MARK3: variants seen among roughly 807,000 people sequenced by gnomAD.
The protein encoded by MARK3 is microtubule affinity regulating kinase 3.
A neutral mutation model predicts 90.1 loss-of-function variants in MARK3; 46 were observed. The ratio of observed to expected loss-of-function variants is 0.51; its 90% confidence interval spans 0.40 to 0.65. MARK3 has a LOEUF of 0.65. Ranked by LOEUF, MARK3 falls within the 30% of genes least tolerant of loss-of-function variation. The probability of loss-of-function intolerance (pLI) is 0.00; values close to 1 mark genes in which losing one functional copy is unlikely to be tolerated. For synonymous variants in MARK3, 321 were observed against 332.6 expected (o/e 0.97, Z 0.38); for missense variants, 818 against 947.2 (o/e 0.86, Z 1.79).
chr14:103,463,661 C>T (rs553177975), intron 7 of MARK3, among the ~76,000 whole-genome samples: 1 of 152,202 alleles, frequency 6.6e-6, no homozygotes, highest in East Asian at 1.9e-4. Flanking sequence ...ACCATTATCT[C>T]ATAGGTGATT....
At chr14:103,485,724 T>A (rs2093916874) in intron 14 of MARK3, among the ~76,000 whole-genome samples, 1 of 152,138 alleles carries the variant, frequency 6.6e-6, no homozygotes, top group Admixed American at 6.5e-5. Flanking sequence ...TTAAGTGGAT[T>A]AATGTTTTAG....
chr14:103,405,533 G>T (rs1004903405), intron 2 of MARK3, among the ~76,000 whole-genome samples: 2 of 151,992 alleles, frequency 1.3e-5, no homozygotes, highest in Non-Finnish European at 2.9e-5. Flanking sequence ...TGTAGAGACA[G>T]GGTTTCACCG....
chr14:103,468,157 G>C lies in MARK3; in HGVS notation c.1235G>C (p.Ser412Thr). The change falls in exon 12 of 18, where the codon AGC (serine) becomes ACC (threonine). Residue 412 changes from serine (S) to threonine (T), a missense_variant. Around this residue, in one of 3 missense-constraint regions of MARK3, gnomAD observed 560 missense variants for 613.5 expected, o/e 0.91. Transcript: ENST00000429436. ...AAAGTGCAGAGAAGTGTTTCTTCAA[G>C]CCAAAAGCAAAGACGCTACAGTGAC... ...HHKVQRSVSS[S>T]QKQRRYSDHA... The C allele has an allele frequency of 6.2e-7, 1 of 1,613,840 alleles. No homozygotes were observed. The highest frequency in any genetic ancestry group is 8.5e-7 in the Non-Finnish European group (1 of 1,179,936).
chr14:103,456,657 T>C (rs1031682034), intron 5 of MARK3, among the ~76,000 whole-genome samples: 2 of 152,232 alleles, frequency 1.3e-5, no homozygotes, highest in African/African-American at 2.4e-5. Context: ...ATGTAAACTC[T>C]ATGAGGAAAA....
At chr14:103,431,392 A>G (rs1426619040) in intron 3 of MARK3, among the ~76,000 whole-genome samples, 4 of 151,980 alleles carry the variant, frequency 2.6e-5, no homozygotes, top group Non-Finnish European at 1.5e-5. Context: ...CACCATGCCC[A>G]GGCCAAGGTG....
chr14:103,432,619 G>A (rs1309273985), intron 3 of MARK3, among the ~76,000 whole-genome samples: 1 of 152,146 alleles, frequency 6.6e-6, no homozygotes, highest in Non-Finnish European at 1.5e-5. Flanking sequence ...GGGAGCCTGA[G>A]GCGAGAGGAT....
intron 14 of MARK3, among the ~76,000 whole-genome samples, chr14:103,482,671 A>G (rs938485171): frequency 6.6e-6 from 1 of 152,130 alleles, no homozygotes; most frequent in African/African-American, 2.4e-5. Context: ...CTCTGCTTCC[A>G]TCCTGTGCTA....
rs566128710 is a variant in MARK3, at chr14:103,458,915, A to G, written c.483+1703A>G. On this transcript the variant is annotated intron_variant, in intron 6 of 17. Coordinates refer to ENST00000429436, the MANE Select transcript of MARK3 (RefSeq NM_001128918.3). Reference sequence around the variant, plus strand: ...ACCAAAGTAAAAATCAGCTTTGGCTATCATTTAACTTCTCTGATCCTGTTT... The same window carrying G: ...ACCAAAGTAAAAATCAGCTTTGGCTGTCATTTAACTTCTCTGATCCTGTTT... The G allele has an allele frequency of 3.5e-4, 158 of 451,062 alleles. 2 individuals carry two copies. The South Asian group carries it at 7.6e-3, about 22-fold the overall frequency. 27.9% of individuals were successfully genotyped at this position (451,062 alleles called of 1,614,324 possible).
intron 3 of MARK3, among the ~76,000 whole-genome samples, chr14:103,439,034 T>G (rs964476373): frequency 6.6e-6 from 1 of 152,104 alleles, no homozygotes; most frequent in African/African-American, 2.4e-5. Context: ...ACTCTTATTT[T>G]ACATTTTTAG....
chr14:103,498,232 A>C (rs1290507931), intron 15 of MARK3, among the ~76,000 whole-genome samples: 1 of 151,624 alleles, frequency 6.6e-6, no homozygotes, highest in Non-Finnish European at 1.5e-5. Context: ...AAGTGTGTCC[A>C]TCTGAAGAAC....
intron 12 of MARK3, among the ~76,000 whole-genome samples, chr14:103,470,822 G>A (rs2093614172): frequency 6.6e-6 from 1 of 152,054 alleles, no homozygotes; most frequent in Admixed American, 6.6e-5. Context: ...TTGACACTTA[G>A]GACTGCACAG....
At chr14:103,449,767 T>C (rs1434857207) in intron 4 of MARK3, among the ~76,000 whole-genome samples, 2 of 152,230 alleles carry the variant, frequency 1.3e-5, no homozygotes, top group Non-Finnish European at 2.9e-5. Context: ...AATAGGGCTT[T>C]TAAAAAATTA....
At chr14:103,431,639 A>G (rs1416724080) in intron 3 of MARK3, among the ~76,000 whole-genome samples, 1 of 152,146 alleles carries the variant, frequency 6.6e-6, no homozygotes, top group Non-Finnish European at 1.5e-5. Flanking sequence ...TTTGTAATGT[A>G]TTTATGATAG....
At chr14:103,478,790 C>T (rs769529206) in intron 13 of MARK3, among the ~76,000 whole-genome samples, 18 of 152,322 alleles carry the variant, frequency 1.2e-4, no homozygotes, top group African/African-American at 2.9e-4. Context: ...CCACCCGCCT[C>T]GGCCTCCCAA....
At chr14:103,450,918 A>ATTGT (rs1566866017) in intron 4 of MARK3, among the ~76,000 whole-genome samples, 1 of 29,730 alleles carries the variant, frequency 3.4e-5, no homozygotes. Context: ...GTGTGTGTGT[A>ATTGT]TTCTTTTTTT....
At chr14:103,407,554 CTTTTTTT>C (rs71460673) in intron 2 of MARK3, among the ~76,000 whole-genome samples, 12 of 71,662 alleles carry the variant, frequency 1.7e-4, no homozygotes, top group Admixed American at 7.3e-4. Flanking sequence ...TGTTTTGCCT[CTTTTTTT>C]TTTTTTTTTT....
At chr14:103,399,630 C>T (rs937920081) in intron 1 of MARK3, among the ~76,000 whole-genome samples, 11 of 144,766 alleles carry the variant, frequency 7.6e-5, no homozygotes, top group Non-Finnish European at 7.4e-5. Context: ...ACCCGGGAGG[C>T]GGAGCTTGCA....
intron 2 of MARK3, among the ~76,000 whole-genome samples, chr14:103,426,718 TC>T (rs2092415232): frequency 6.6e-6 from 1 of 152,124 alleles, no homozygotes; most frequent in Non-Finnish European, 1.5e-5. Context: ...CTATAGTACT[TC>T]CTATATCCTA....
intron 3 of MARK3, among the ~76,000 whole-genome samples, chr14:103,431,660 A>G (rs1439137811): frequency 1.3e-5 from 2 of 152,194 alleles, no homozygotes; most frequent in African/African-American, 2.4e-5. Context: ...CTGGTTAGTT[A>G]GCCAACCTTG....
Sources: gnomAD v4.1 joint callset for allele counts (sites outside exome capture counted in the v4.1 genomes callset) on GRCh38, gnomAD v4.1.1 for gene constraint, gnomAD v4.1.1 regional missense constraint, MANE v1.5 for transcripts, NCBI Gene and HGNC (gene_info 2026-07-23, HGNC 2026-07-21) for gene names.